ATP8A2: variants seen among roughly 807,000 people sequenced by gnomAD.
The protein encoded by ATP8A2 is phospholipid-transporting ATPase IB.
In ATP8A2, 100 loss-of-function variants were observed where a neutral mutation model predicts 165.6. The observed-to-expected ratio is 0.60, with a 90% CI of 0.51 to 0.71. ATP8A2 has a LOEUF of 0.71. Among genes scored for constraint, ATP8A2 ranks in the 30% least tolerant of loss-of-function variants. The pLI is 0.00. For missense variants in ATP8A2, 1,227 were observed against 1,479.5 expected (o/e 0.83, Z 2.80); for synonymous variants, 543 against 548.8 (o/e 0.99, Z 0.15).
At chr13:25,519,255 C>T (rs756733727) in intron 2 of ATP8A2, among the ~76,000 whole-genome samples, 2 of 152,220 alleles carry the variant, frequency 1.3e-5, no homozygotes, top group African/African-American at 2.4e-5. Context: ...AACCTTCCCT[C>T]GCCACTCTGT....
At chr13:25,886,592 GC>G (rs1953164371) in intron 33 of ATP8A2, among the ~76,000 whole-genome samples, 1 of 152,230 alleles carries the variant, frequency 6.6e-6, no homozygotes, top group Non-Finnish European at 1.5e-5. Flanking sequence ...TGCGCTGGAT[GC>G]CGACAGCACG....
chr13:25,825,418 C>T (rs1951290302), intron 27 of ATP8A2, among the ~76,000 whole-genome samples: 1 of 151,942 alleles, frequency 6.6e-6, no homozygotes, highest in South Asian at 2.1e-4. Flanking sequence ...CCTGGCCTCC[C>T]AAAGTGCTGG....
chr13:25,707,249 A>T (rs1296383002), intron 25 of ATP8A2, among the ~76,000 whole-genome samples: 1 of 152,238 alleles, frequency 6.6e-6, no homozygotes, highest in African/African-American at 2.4e-5. Context: ...TTTTGAAATT[A>T]AAGCTAATTT....
At chr13:25,769,368 A>T (rs1421097633) in intron 26 of ATP8A2, 139 bp downstream of exon 26, 5 of 781,632 alleles carry the variant, frequency 6.4e-6, no homozygotes, top group Admixed American at 2.9e-5. Flanking sequence ...AACCCCGGGG[A>T]TATTTGGAAT....
Position 25,908,248 on chromosome 13 carries a change from C to T in ATP8A2, c.3183+45840C>T, listed in dbSNP as rs190145831. Among the ~76,000 whole-genome samples, 59 of 152,142 alleles carry T rather than the reference C, an allele frequency of 3.9e-4. No individual in the cohort carries two copies. In the East Asian group the frequency reaches 0.01, roughly 26 times the overall value. Reference sequence around the variant, plus strand: ...CTAATGCAGTGGTGTCAGTAGTTACCGTAAGTCAGCAGTCATTGTGTGCAG... The same window carrying T: ...CTAATGCAGTGGTGTCAGTAGTTACTGTAAGTCAGCAGTCATTGTGTGCAG... On this transcript the variant is annotated intron_variant, in intron 33 of 36. Coordinates refer to ENST00000381655, the MANE Select transcript of ATP8A2 (RefSeq NM_016529.6).
At chr13:25,577,535 T>C (rs2039652427) in intron 20 of ATP8A2, among the ~76,000 whole-genome samples, 3 of 152,208 alleles carry the variant, frequency 2.0e-5, no homozygotes, top group African/African-American at 7.2e-5. Context: ...TTCTTCTCAA[T>C]TGTTATGTTT....
chr13:25,394,081 GTGAA>G (rs1470213894), intron 1 of ATP8A2, among the ~76,000 whole-genome samples: 2 of 152,212 alleles, frequency 1.3e-5, no homozygotes, highest in African/African-American at 4.8e-5. Context: ...AAAAAATGAA[GTGAA>G]TGATCACTGT....
chr13:25,535,073 C>T (rs2038233232), intron 6 of ATP8A2, among the ~76,000 whole-genome samples: 1 of 152,138 alleles, frequency 6.6e-6, no homozygotes, highest in South Asian at 2.1e-4. Context: ...CCTACCTAGA[C>T]CCAGTGGTTC....
chr13:25,436,871 G>A (rs2034794077), intron 1 of ATP8A2, among the ~76,000 whole-genome samples: 1 of 151,894 alleles, frequency 6.6e-6, no homozygotes, highest in Non-Finnish European at 1.5e-5. Flanking sequence ...CGGCCTCTCA[G>A]GGTTAGGTGA....
intron 1 of ATP8A2, among the ~76,000 whole-genome samples, chr13:25,409,909 T>C (rs1374202097): frequency 6.6e-6 from 1 of 152,106 alleles, no homozygotes; most frequent in Non-Finnish European, 1.5e-5. Flanking sequence ...CTCACAGTTA[T>C]GTGTGCTGCC....
At chr13:25,729,619 C>G (rs543045391) in intron 25 of ATP8A2, among the ~76,000 whole-genome samples, 1 of 152,116 alleles carries the variant, frequency 6.6e-6, no homozygotes, top group South Asian at 2.1e-4. Flanking sequence ...GTTGTTATTC[C>G]CCTGGCAAGG....
chr13:25,678,746 C>G lies in ATP8A2; in HGVS notation c.2212-20427C>G, dbSNP rs2042423198. ...GTCCTGGGGTTGAATTGTAGCTGTG[C>G]CACTCACTTGCTCCGTGACCTTGGG... On this transcript the variant is annotated intron_variant, in intron 24 of 36. Coordinates refer to ENST00000381655, the MANE Select transcript of ATP8A2 (RefSeq NM_016529.6). Among the ~76,000 whole-genome samples, 3 of 152,288 alleles carry G rather than the reference C, an allele frequency of 2.0e-5. No individual in the cohort carries two copies. The South Asian group carries it at 6.2e-4, about 32-fold the overall frequency.
At chr13:25,805,459 G>C (rs2138481965) in intron 27 of ATP8A2, among the ~76,000 whole-genome samples, 1 of 152,274 alleles carries the variant, frequency 6.6e-6, no homozygotes, top group East Asian at 1.9e-4. Context: ...CAAGGCTACT[G>C]TGAGCCAAGA....
intron 1 of ATP8A2, among the ~76,000 whole-genome samples, chr13:25,427,748 G>T (rs1566124292): frequency 6.6e-6 from 1 of 152,092 alleles, no homozygotes; most frequent in Admixed American, 6.6e-5. Flanking sequence ...AGGAAAATTA[G>T]TTGGGCATGG....
Position 25,595,715 on chromosome 13 carries a change from T to C in ATP8A2, c.2211+6016T>C, listed in dbSNP as rs76832983. Among the ~76,000 whole-genome samples, 292 of 152,308 alleles carry C rather than the reference T, an allele frequency of 1.9e-3. 6 individuals are homozygous for C. The East Asian group carries it at 0.052, about 27-fold the overall frequency. On this transcript the variant is annotated intron_variant, in intron 24 of 36. Transcript: ENST00000381655. ...TTGAACTGTTGCATAGGTGGTAGTC[T>C]CTTTGTTTATCCTCACCCTACTAAT...
chr13:25,828,060 A>G, intron 27 of ATP8A2, 58 bp from the exon 28 acceptor site: 2 of 1,390,642 alleles, frequency 1.4e-6, no homozygotes, highest in Non-Finnish European at 2.0e-6. Flanking sequence ...TTCTTCAGTG[A>G]ATGGAAACAT....
chr13:25,928,520 C>T (rs558284746), intron 33 of ATP8A2, among the ~76,000 whole-genome samples: 7 of 152,244 alleles, frequency 4.6e-5, no homozygotes, highest in South Asian at 2.1e-4. Flanking sequence ...AAGAACTCCA[C>T]GCAAATTCGA....
At chr13:25,435,409 G>A (rs558781262) in intron 1 of ATP8A2, among the ~76,000 whole-genome samples, 9 of 152,208 alleles carry the variant, frequency 5.9e-5, no homozygotes, top group East Asian at 1.9e-4. Flanking sequence ...GTGAACCACC[G>A]CGCCCGGCTG....
chr13:25,605,077 G>A (rs1416578256), intron 24 of ATP8A2, among the ~76,000 whole-genome samples: 1 of 152,220 alleles, frequency 6.6e-6, no homozygotes, highest in Non-Finnish European at 1.5e-5. Flanking sequence ...CTTAAGCTGA[G>A]ATAACAACCT....
Sources: gnomAD v4.1 joint callset for allele counts (sites outside exome capture counted in the v4.1 genomes callset) on GRCh38, gnomAD v4.1.1 for gene constraint, MANE v1.5 for transcripts, NCBI Gene and HGNC (gene_info 2026-07-23, HGNC 2026-07-21) for gene names.